The following MBNL2 variants were observed in gnomAD, a reference collection of about 807,000 sequenced individuals.
The protein encoded by MBNL2 is muscleblind-like protein 2.
A neutral mutation model predicts 41.9 loss-of-function variants in MBNL2; 17 were observed. That is an observed-to-expected ratio of 0.41 (90% CI 0.28 to 0.61). MBNL2 has a LOEUF of 0.61. Ranked by LOEUF, MBNL2 falls within the 20% of genes least tolerant of loss-of-function variation. The probability of loss-of-function intolerance (pLI) is 0.35; values close to 1 mark genes in which losing one functional copy is unlikely to be tolerated. For missense variants in MBNL2, 336 were observed against 505.6 expected (o/e 0.66, Z 3.22); for synonymous variants, 195 against 182.9 (o/e 1.07, Z -0.53).
intron 8 of MBNL2, among the ~76,000 whole-genome samples, chr13:97,371,225 T>C (rs1206056038): frequency 1.3e-5 from 2 of 152,176 alleles, no homozygotes; most frequent in Non-Finnish European, 2.9e-5. Context: ...TTTAAGTTTC[T>C]TCATTTATAA....
chr13:97,370,660 A>T (rs1261468971), intron 8 of MBNL2, among the ~76,000 whole-genome samples: 2 of 135,770 alleles, frequency 1.5e-5, no homozygotes, highest in Non-Finnish European at 3.2e-5. Context: ...CAAGAGGGAA[A>T]CTCCGTCAAA....
chr13:97,348,074 ATTTT>A lies in MBNL2; in HGVS notation c.804+1026_804+1029del, dbSNP rs71692187. On this transcript the variant is annotated intron_variant, in intron 5 of 8. Coordinates refer to ENST00000679496, the MANE Select transcript of MBNL2 (RefSeq NM_001382683.1). Reference sequence around the variant, plus strand: ...GGTCTGGTGTGGTCTGGGCAGTGGGATTTTTTTTTTTTTTTTTTTTTTAAGACAA... The same window carrying A: ...GGTCTGGTGTGGTCTGGGCAGTGGGATTTTTTTTTTTTTTTTTTAAGACAA... Among the ~76,000 whole-genome samples, 1,165 of 120,318 alleles carry A rather than the reference ATTTT, an allele frequency of 9.7e-3. 11 individuals are homozygous for A. Among genetic ancestry groups the A allele is most frequent in the African/African-American group, 0.031 (1,022 of 32,464 alleles). 78.9% of individuals were successfully genotyped at this position (120,318 alleles called of 152,430 possible). A position where few individuals can be genotyped will look rare whatever the true frequency, so the allele number is the denominator to read the frequency against.
At chr13:97,201,854 C>T in the MBNL2 span, among the ~76,000 whole-genome samples, 1 of 152,158 alleles carries the variant, frequency 6.6e-6, no homozygotes, top group Non-Finnish European at 1.5e-5. Flanking sequence ...GCCTAAGCAA[C>T]TTGCATGCAA....
intron 2 of MBNL2, among the ~76,000 whole-genome samples, chr13:97,330,950 G>T (rs1566421631): frequency 2.0e-5 from 3 of 152,194 alleles, no homozygotes; most frequent in African/African-American, 7.2e-5. Flanking sequence ...AGGGTTCAGG[G>T]TTGTCTCTTA....
the MBNL2 span, among the ~76,000 whole-genome samples, chr13:97,166,782 T>TGATAGATAGATAGATA: frequency 7.1e-5 from 10 of 139,876 alleles, no homozygotes; most frequent in South Asian, 5.0e-4. Flanking sequence ...AAACTTCCCT[T>TGATAGATAGATAGATA]GATAGATAGA....
upstream of MBNL2, among the ~76,000 whole-genome samples, chr13:97,221,845 C>G (rs569181683): frequency 6.6e-6 from 1 of 152,268 alleles, no homozygotes; most frequent in Admixed American, 6.5e-5. Context: ...GCACATTCTT[C>G]CTCAATAATG....
chr13:97,253,777 C>T (rs936951544), intron 1 of MBNL2, among the ~76,000 whole-genome samples: 7 of 147,662 alleles, frequency 4.7e-5, no homozygotes, highest in African/African-American at 7.9e-5. Context: ...TTTATTAATA[C>T]GTATTAATAA....
chr13:97,265,144 T>C (rs898273416), intron 1 of MBNL2, among the ~76,000 whole-genome samples: 2 of 152,256 alleles, frequency 1.3e-5, no homozygotes, highest in East Asian at 3.8e-4. Context: ...ATTGAGGATG[T>C]GATTTCTTTC....
At chr13:97,378,048 C>T (rs1288217552) in intron 8 of MBNL2, among the ~76,000 whole-genome samples, 1 of 152,182 alleles carries the variant, frequency 6.6e-6, no homozygotes, top group Non-Finnish European at 1.5e-5. Context: ...TTACTCTCAG[C>T]ACACTGATCT....
chr13:97,348,350 C>T (rs2062093168), intron 5 of MBNL2, among the ~76,000 whole-genome samples: 1 of 152,054 alleles, frequency 6.6e-6, no homozygotes, highest in Non-Finnish European at 1.5e-5. Context: ...TGCGAGCTAC[C>T]ATACCTGGCG....
At chr13:97,371,122 A>G (rs905814590) in intron 8 of MBNL2, among the ~76,000 whole-genome samples, 9 of 152,238 alleles carry the variant, frequency 5.9e-5, no homozygotes, top group African/African-American at 2.2e-4. Context: ...TTGAATTATT[A>G]TAATATTCTA....
At chr13:97,240,831 A>G (rs2044120123) in intron 1 of MBNL2, among the ~76,000 whole-genome samples, 1 of 152,168 alleles carries the variant, frequency 6.6e-6, no homozygotes, top group South Asian at 2.1e-4. Flanking sequence ...TGTGAAAATG[A>G]AGCACTTGAA....
At chr13:97,270,803 G>A (rs1410379626) in intron 1 of MBNL2, among the ~76,000 whole-genome samples, 3 of 152,140 alleles carry the variant, frequency 2.0e-5, no homozygotes, top group Non-Finnish European at 2.9e-5. Flanking sequence ...ATGTGGTCTA[G>A]CCCATCCTTA....
chr13:97,197,574 T>C, the MBNL2 span, among the ~76,000 whole-genome samples: 1 of 152,230 alleles, frequency 6.6e-6, no homozygotes, highest in Admixed American at 6.5e-5. Context: ...ATTTTTTCTC[T>C]AGCCAGTTTT....
chr13:97,193,426 T>C, the MBNL2 span, among the ~76,000 whole-genome samples: 1 of 152,184 alleles, frequency 6.6e-6, no homozygotes, highest in Non-Finnish European at 1.5e-5. Context: ...TGGCTTCCAC[T>C]GAGATTAAAG....
At chr13:97,317,358 G>A (rs368459472) in intron 2 of MBNL2, among the ~76,000 whole-genome samples, 3 of 152,290 alleles carry the variant, frequency 2.0e-5, no homozygotes, top group African/African-American at 7.2e-5. Flanking sequence ...TACCCTCCCA[G>A]TGGACCCCAC....
At chr13:97,145,301 A>G in the MBNL2 span, among the ~76,000 whole-genome samples, 32 of 152,362 alleles carry the variant, frequency 2.1e-4, 2 homozygotes, top group South Asian at 6.6e-3. Context: ...AGGAGCAGAT[A>G]GAAGCTAAAC....
the MBNL2 span, among the ~76,000 whole-genome samples, chr13:97,178,688 G>A: frequency 6.6e-6 from 1 of 152,152 alleles, no homozygotes; most frequent in Non-Finnish European, 1.5e-5. Context: ...TTGAGCCCAG[G>A]AGTTCAAGAC....
the MBNL2 span, among the ~76,000 whole-genome samples, chr13:97,184,784 G>C: frequency 6.6e-6 from 1 of 152,154 alleles, no homozygotes; most frequent in Non-Finnish European, 1.5e-5. Context: ...TTGGGAGTTT[G>C]ACTCCTCCAT....
Sources: allele counts gnomAD v4.1 joint callset (sites outside exome capture counted in the v4.1 genomes callset), GRCh38; gene constraint gnomAD v4.1.1; transcripts MANE v1.5; gene names NCBI Gene and HGNC (gene_info 2026-07-23, HGNC 2026-07-21).